NELL1: variants seen among roughly 807,000 people sequenced by gnomAD.
NELL1 encodes the protein protein kinase C-binding protein NELL1.
NELL1 carries 76 observed loss-of-function variants against 107.4 expected under a neutral mutation model. That is an observed-to-expected ratio of 0.71 (90% CI 0.59 to 0.86). The LOEUF is 0.86. Ranked by LOEUF, NELL1 falls within the 40% of genes least tolerant of loss-of-function variation. The probability of loss-of-function intolerance (pLI) is 0.00; values close to 1 mark genes in which losing one functional copy is unlikely to be tolerated. For missense variants in NELL1, 1,024 were observed against 1,005.5 expected, an observed-to-expected ratio of 1.02 and a Z score of -0.25; for synonymous variants, 353 against 341.2, an observed-to-expected ratio of 1.03 and a Z score of -0.38.
intron 14 of NELL1, among the ~76,000 whole-genome samples, chr11:21,364,744 A>G (rs1851176240): frequency 6.6e-6 from 1 of 152,186 alleles, no homozygotes; most frequent in Non-Finnish European, 1.5e-5. Context: ...ACAGGGCAAA[A>G]GTCTGTATGC....
At chr11:20,946,719 A>G (rs1564980412) in intron 10 of NELL1, among the ~76,000 whole-genome samples, 1 of 152,174 alleles carries the variant, frequency 6.6e-6, no homozygotes, top group African/African-American at 2.4e-5. Context: ...TTATTATTCT[A>G]TGACACATTA....
intron 14 of NELL1, among the ~76,000 whole-genome samples, chr11:21,325,440 C>T (rs575243833): frequency 6.6e-6 from 1 of 152,122 alleles, no homozygotes; most frequent in East Asian, 1.9e-4. Flanking sequence ...TAGTTTCTTA[C>T]CAGTGTGGCA....
intron 15 of NELL1, among the ~76,000 whole-genome samples, chr11:21,510,252 A>C (rs564332913): frequency 3.2e-4 from 49 of 152,344 alleles, no homozygotes; most frequent in African/African-American, 1.2e-3. Context: ...ATGTGCATAG[A>C]GGCAGAGAAT....
At chr11:21,100,180 A>C (rs933872266) in intron 12 of NELL1, among the ~76,000 whole-genome samples, 1 of 151,800 alleles carries the variant, frequency 6.6e-6, no homozygotes, top group African/African-American at 2.4e-5. Flanking sequence ...CCACGCCTGG[A>C]TAATTTTTTG....
intron 13 of NELL1, among the ~76,000 whole-genome samples, chr11:21,133,692 C>T (rs1855676970): frequency 1.8e-5 from 1 of 54,396 alleles, no homozygotes; most frequent in Non-Finnish European, 3.5e-5. Context: ...GAGCAGGACT[C>T]GGGAGCAGGG....
At chr11:21,107,259 A>G (rs1854992160) in intron 12 of NELL1, among the ~76,000 whole-genome samples, 1 of 152,172 alleles carries the variant, frequency 6.6e-6, no homozygotes, top group African/African-American at 2.4e-5. Context: ...TATCATAAAG[A>G]GTATTTTCAC....
chr11:21,376,467 T>C (rs745546249), intron 15 of NELL1, among the ~76,000 whole-genome samples: 2 of 151,964 alleles, frequency 1.3e-5, no homozygotes, highest in African/African-American at 2.4e-5. Flanking sequence ...TATAGTTTGT[T>C]GTCAGGTAGT....
chr11:21,321,146 C>A (rs1440238261), intron 14 of NELL1, among the ~76,000 whole-genome samples: 2 of 152,190 alleles, frequency 1.3e-5, no homozygotes, highest in Non-Finnish European at 2.9e-5. Context: ...AATTCCCTGG[C>A]TCTGAAAATG....
chr11:20,902,808 A>G (rs962020812), intron 5 of NELL1, among the ~76,000 whole-genome samples: 12 of 152,216 alleles, frequency 7.9e-5, no homozygotes, highest in African/African-American at 2.6e-4. Flanking sequence ...AAATTGATGA[A>G]TTGCTAAAGT....
At position 21,016,780 on chromosome 11, in the gene NELL1, A is replaced by G. The variant is rs190889217; in HGVS notation, c.1300+56220A>G. ...CATGATTGTACCTATTCTAAACTTA[A>G]TAGCACCTAAGGTCATTTTCCAACT... On this transcript the variant is annotated intron_variant, in intron 12 of 19. Coordinates refer to ENST00000357134, the MANE Select transcript of NELL1 (RefSeq NM_006157.5). Among the ~76,000 whole-genome samples, 533 of 152,116 alleles carry G rather than the reference A, an allele frequency of 3.5e-3. 16 individuals are homozygous for G. The highest frequency in any genetic ancestry group is 0.032 in the Admixed American group (491 of 15,274).
intron 15 of NELL1, among the ~76,000 whole-genome samples, chr11:21,371,844 A>T (rs1272127571): frequency 6.6e-6 from 1 of 152,012 alleles, no homozygotes; most frequent in Non-Finnish European, 1.5e-5. Context: ...CCAGAGATAT[A>T]AGCAAAGTTC....
intron 13 of NELL1, among the ~76,000 whole-genome samples, chr11:21,140,993 G>A (rs1855853791): frequency 1.3e-5 from 2 of 152,164 alleles, no homozygotes; most frequent in South Asian, 4.1e-4. Flanking sequence ...TATAGACCCT[G>A]CAAAGTAGTC....
chr11:21,485,918 C>T (rs1854619550), intron 15 of NELL1, among the ~76,000 whole-genome samples: 1 of 152,020 alleles, frequency 6.6e-6, no homozygotes, highest in African/African-American at 2.4e-5. Context: ...TATGCCAACC[C>T]AACTGCTGAT....
At chr11:21,171,309 C>T (rs1368377682) in intron 13 of NELL1, among the ~76,000 whole-genome samples, 1 of 151,756 alleles carries the variant, frequency 6.6e-6, no homozygotes, top group Non-Finnish European at 1.5e-5. Flanking sequence ...TACACACACA[C>T]ATACACACAC....
chr11:20,812,289 C>A, intron 3 of NELL1, among the ~76,000 whole-genome samples: 1 of 152,128 alleles, frequency 6.6e-6, no homozygotes, highest in East Asian at 1.9e-4. Flanking sequence ...ATGAATCCTA[C>A]TTGATAATGG....
At chr11:20,862,079 T>C (rs1848989079) in intron 4 of NELL1, among the ~76,000 whole-genome samples, 1 of 152,240 alleles carries the variant, frequency 6.6e-6, no homozygotes, top group Non-Finnish European at 1.5e-5. Flanking sequence ...ACACCCTATG[T>C]GTCCTTTGAT....
chr11:21,290,895 C>CA (rs1451375815), intron 14 of NELL1, among the ~76,000 whole-genome samples: 1 of 152,142 alleles, frequency 6.6e-6, no homozygotes. Context: ...AAAACCAGTG[C>CA]AAAAAGGCTG....
chr11:20,911,939 G>C (rs1354884102), intron 5 of NELL1, among the ~76,000 whole-genome samples: 1 of 152,154 alleles, frequency 6.6e-6, no homozygotes, highest in Non-Finnish European at 1.5e-5. Context: ...CCCTGAAAAA[G>C]AGGCAGCCAC....
chr11:20,697,369 A>ACT (rs1854646373), intron 2 of NELL1, among the ~76,000 whole-genome samples: 1 of 148,866 alleles, frequency 6.7e-6, no homozygotes, highest in Non-Finnish European at 1.5e-5. Context: ...TAGAATATGC[A>ACT]TGAGTGCAAA....
Sources: gnomAD v4.1 joint callset for allele counts (sites outside exome capture counted in the v4.1 genomes callset) on GRCh38, gnomAD v4.1.1 for gene constraint, MANE v1.5 for transcripts, NCBI Gene and HGNC (gene_info 2026-07-23, HGNC 2026-07-21) for gene names.